NCK2: variants seen among roughly 807,000 people sequenced by gnomAD.
NCK2 encodes the protein cytoplasmic protein NCK2.
A neutral mutation model predicts 33.9 loss-of-function variants in NCK2; 16 were observed. That is an observed-to-expected ratio of 0.47 (90% CI 0.32 to 0.72). NCK2 has a LOEUF of 0.72. NCK2 is among the 30% of genes least tolerant of loss of function. The pLI, the probability that NCK2 is intolerant of heterozygous loss-of-function variation, is 0.03. For synonymous variants in NCK2, 273 were observed against 239.9 expected (o/e 1.14, Z -1.27); for missense variants, 418 against 537.3 (o/e 0.78, Z 2.19).
intron 1 of NCK2, among the ~76,000 whole-genome samples, chr2:105,752,704 T>C (rs1378350946): frequency 6.6e-6 from 1 of 152,214 alleles, no homozygotes; most frequent in African/African-American, 2.4e-5. Flanking sequence ...CCCATCACCC[T>C]TCAAGTCTCT....
chr2:105,756,635 A>C (rs561366633), intron 1 of NCK2, among the ~76,000 whole-genome samples: 2 of 152,272 alleles, frequency 1.3e-5, no homozygotes, highest in African/African-American at 4.8e-5. Flanking sequence ...TGTCAGGCCC[A>C]AGCAGTGTGG....
chr2:105,887,574 A>G (rs1241126965), intron 4 of NCK2, among the ~76,000 whole-genome samples: 1 of 152,188 alleles, frequency 6.6e-6, no homozygotes, highest in Admixed American at 6.5e-5. Flanking sequence ...AGGTTTAAAG[A>G]ACCAAAAGTA....
At chr2:105,825,770 A>G (rs1471739889) in intron 2 of NCK2, among the ~76,000 whole-genome samples, 1 of 152,238 alleles carries the variant, frequency 6.6e-6, no homozygotes, top group African/African-American at 2.4e-5. Flanking sequence ...TACAGAAGGC[A>G]GTAAATATAC....
rs2104321630 is a variant in NCK2 at position 105,748,616 on chromosome 2, C to G, written c.-201+3478C>G. Among the ~76,000 whole-genome samples, 2 of 152,118 alleles carry G rather than the reference C, an allele frequency of 1.3e-5. 1 individual carries two copies. Among genetic ancestry groups the G allele is most frequent in the East Asian group, 3.9e-4 (2 of 5,176 alleles). On this transcript the variant is annotated intron_variant, in intron 1 of 4. Coordinates refer to ENST00000233154, the MANE Select transcript of NCK2 (RefSeq NM_003581.5). Reference sequence around the variant, plus strand: ...TTTATTTTGTAGAGACAGGGTCTTGCTGCTTTGCCAAGGCTGGTCTCAAAC... The same window carrying G: ...TTTATTTTGTAGAGACAGGGTCTTGGTGCTTTGCCAAGGCTGGTCTCAAAC...
Position 105,755,190 on chromosome 2 carries a change from C to T in NCK2, c.-201+10052C>T, listed in dbSNP as rs148387992. Among the ~76,000 whole-genome samples, 4 of 152,286 alleles carry T rather than the reference C, an allele frequency of 2.6e-5. No individual in the cohort carries two copies. The East Asian group carries it at 5.8e-4, about 22-fold the overall frequency. On this transcript the variant is annotated intron_variant, in intron 1 of 4. Transcript: ENST00000233154. ...ATCTGTCTTGCTTCAGTTCCCTTTT[C>T]GTAGTTTCCTTACTAGGTCTATTTT...
chr2:105,811,572 G>A (rs1030253993), intron 1 of NCK2, among the ~76,000 whole-genome samples: 6 of 152,214 alleles, frequency 3.9e-5, no homozygotes, highest in African/African-American at 1.4e-4. Flanking sequence ...GAGCATCTGA[G>A]TCCCTGCAGC....
At chr2:105,761,972 C>T (rs1407067695) in intron 1 of NCK2, among the ~76,000 whole-genome samples, 2 of 152,180 alleles carry the variant, frequency 1.3e-5, no homozygotes, top group Non-Finnish European at 2.9e-5. Context: ...TTTTGTCCTG[C>T]GGATTTTTGA....
intron 3 of NCK2, among the ~76,000 whole-genome samples, chr2:105,878,378 T>G (rs1678320149): frequency 6.6e-6 from 1 of 152,206 alleles, no homozygotes; most frequent in Admixed American, 6.5e-5. Flanking sequence ...TAAAATGAAG[T>G]CACTGGGGTG....
chr2:105,838,101 CCT>C (rs1491429182), intron 2 of NCK2, among the ~76,000 whole-genome samples: 1 of 133,658 alleles, frequency 7.5e-6, no homozygotes, highest in Non-Finnish European at 1.7e-5. Flanking sequence ...CTAGAACAGT[CCT>C]TTTTTTTTTT....
chr2:105,812,353 A>G (rs1675320529), intron 1 of NCK2, among the ~76,000 whole-genome samples: 1 of 152,216 alleles, frequency 6.6e-6, no homozygotes, highest in African/African-American at 2.4e-5. Flanking sequence ...ACTTTGGCCA[A>G]ACCACTCAAA....
intron 3 of NCK2, among the ~76,000 whole-genome samples, chr2:105,864,882 T>G (rs1677687227): frequency 6.8e-6 from 1 of 147,972 alleles, no homozygotes; most frequent in South Asian, 2.1e-4. Context: ...CACGGTTCCC[T>G]GCAAATGGAT....
At chr2:105,820,837 A>G (rs1675701043) in intron 2 of NCK2, among the ~76,000 whole-genome samples, 1 of 152,224 alleles carries the variant, frequency 6.6e-6, no homozygotes. Flanking sequence ...AGGATGGTGT[A>G]GTGGGATAGG....
chr2:105,807,326 G>C (rs1224945263), intron 1 of NCK2, among the ~76,000 whole-genome samples: 1 of 152,194 alleles, frequency 6.6e-6, no homozygotes. Context: ...AAGGGCAGGG[G>C]AAATAAAGGT....
At chr2:105,846,238 C>T (rs141683608) in intron 2 of NCK2, among the ~76,000 whole-genome samples, 57 of 152,206 alleles carry the variant, frequency 3.7e-4, no homozygotes, top group Non-Finnish European at 6.2e-4. Flanking sequence ...GTTGAAGCGA[C>T]AGTGCCACCA....
At chr2:105,816,388 CAAAG>C (rs796916719) in intron 1 of NCK2, 38 bp from the exon 2 acceptor site, 3 of 152,306 alleles carry the variant, frequency 2.0e-5, no homozygotes, top group African/African-American at 7.2e-5. Context: ...TACTTAAAAT[CAAAG>C]AAGCAAGCAG....
intron 1 of NCK2, among the ~76,000 whole-genome samples, chr2:105,788,175 T>A (rs935703533): frequency 2.6e-5 from 4 of 152,208 alleles, no homozygotes; most frequent in Non-Finnish European, 5.9e-5. Context: ...CAATTCTAGA[T>A]AAGTTTTTTC....
intron 2 of NCK2, among the ~76,000 whole-genome samples, chr2:105,838,311 T>G (rs930836010): frequency 1.6e-5 from 1 of 63,924 alleles, no homozygotes. Flanking sequence ...TATTAAAATG[T>G]TTTTTTTTTT....
chr2:105,779,938 A>G (rs1335788826), intron 1 of NCK2, among the ~76,000 whole-genome samples: 2 of 152,142 alleles, frequency 1.3e-5, no homozygotes, highest in African/African-American at 4.8e-5. Context: ...TAGCGTGTAC[A>G]TATCCACATA....
At chr2:105,865,195 C>T (rs1000587875) in intron 3 of NCK2, among the ~76,000 whole-genome samples, 6 of 152,148 alleles carry the variant, frequency 3.9e-5, no homozygotes, top group Non-Finnish European at 5.9e-5. Flanking sequence ...GCAAATGGGC[C>T]GTGATAATTA....
Sources: gnomAD v4.1 joint callset for allele counts (sites outside exome capture counted in the v4.1 genomes callset) on GRCh38, gnomAD v4.1.1 for gene constraint, MANE v1.5 for transcripts, NCBI Gene and HGNC (gene_info 2026-07-23, HGNC 2026-07-21) for gene names.